Variants in KLHL20 observed in about 807,000 individuals in gnomAD.
The protein encoded by KLHL20 is kelch like family member 20, also known as kelch-like protein 20.
KLHL20 carries 29 observed loss-of-function variants against 69.5 expected under a neutral mutation model. The observed-to-expected ratio is 0.42, with a 90% CI of 0.31 to 0.57. KLHL20 has a LOEUF of 0.57. KLHL20 is among the 20% of genes least tolerant of loss of function. The probability of loss-of-function intolerance (pLI) is 0.18; values close to 1 mark genes in which losing one functional copy is unlikely to be tolerated. For missense variants in KLHL20, 419 were observed against 776.0 expected, an observed-to-expected ratio of 0.54 and a Z score of 5.47; for synonymous variants, 253 against 265.2, an observed-to-expected ratio of 0.95 and a Z score of 0.45.
In KLHL20 at chr1:173,757,023, G is replaced by T; in HGVS notation, c.1015G>T (p.Asp339Tyr). ...GDAISSVERY[D>Y]PQTNEWRMVA... ...TGCCATTTCCAGTGTTGAACGATAT[G>T]ATCCACAGACCAATGAATGGAGAAT... The change falls in exon 7 of 12, where the codon GAT (aspartate) becomes TAT (tyrosine). Residue 339 changes from aspartate (D) to tyrosine (Y), a missense_variant. Coordinates refer to ENST00000209884, the MANE Select transcript of KLHL20 (RefSeq NM_014458.4). The T allele has an allele frequency of 1.9e-6, 3 of 1,614,184 alleles. No individual in the cohort carries two copies. The highest frequency in any genetic ancestry group is 2.5e-6 in the Non-Finnish European group (3 of 1,180,030).
chr1:173,751,192 C>T (rs1003529374), intron 3 of KLHL20, among the ~76,000 whole-genome samples: 1 of 152,174 alleles, frequency 6.6e-6, no homozygotes, highest in Admixed American at 6.5e-5. Flanking sequence ...GTTGCCGTTT[C>T]ATCTCCATTC....
chr1:173,746,092 C>T (rs1673046536), intron 3 of KLHL20, among the ~76,000 whole-genome samples: 1 of 152,126 alleles, frequency 6.6e-6, no homozygotes, highest in Admixed American at 6.5e-5. Context: ...TCTCCTTAAA[C>T]CCATTAATGT....
At chr1:173,751,208 G>A (rs1158872787) in intron 3 of KLHL20, among the ~76,000 whole-genome samples, 1 of 152,140 alleles carries the variant, frequency 6.6e-6, no homozygotes, top group African/African-American at 2.4e-5. Flanking sequence ...CATTCTGACA[G>A]TTGCCTAGCC....
At chr1:173,734,561 G>A (rs1672438483) in intron 3 of KLHL20, 1 of 383,770 alleles carries the variant, frequency 2.6e-6, no homozygotes, top group Non-Finnish European at 4.8e-6. Flanking sequence ...AGCCAAAATA[G>A]AGTAATTCAC....
intron 3 of KLHL20, among the ~76,000 whole-genome samples, chr1:173,743,056 A>G (rs1301400996): frequency 2.0e-5 from 3 of 151,546 alleles, no homozygotes; most frequent in African/African-American, 7.3e-5. Flanking sequence ...TCCAAATTTA[A>G]TCAGAAAAAA....
chr1:173,746,255 T>A (rs1673054121), intron 3 of KLHL20, among the ~76,000 whole-genome samples: 2 of 152,200 alleles, frequency 1.3e-5, no homozygotes, highest in Non-Finnish European at 2.9e-5. Context: ...CCTTGTACTG[T>A]CTTTGTCAAG....
rs567606030 is a variant in KLHL20, at chr1:173,752,213, C to T, written c.756+291C>T. Among the ~76,000 whole-genome samples, 9 of 147,900 alleles carry T rather than the reference C, an allele frequency of 6.1e-5. No individual in the cohort carries two copies. The South Asian group carries it at 2.0e-3, about 33-fold the overall frequency. On this transcript the variant is annotated intron_variant, in intron 4 of 11. Coordinates refer to ENST00000209884, the MANE Select transcript of KLHL20 (RefSeq NM_014458.4). Reference sequence around the variant, plus strand: ...ATCGTGCCACTGTATTCCAGCCTGGCGACAGAGCGAGACTCCATCTCAAAA... The same window carrying T: ...ATCGTGCCACTGTATTCCAGCCTGGTGACAGAGCGAGACTCCATCTCAAAA...
chr1:173,739,594 A>C (rs914732800), intron 3 of KLHL20, among the ~76,000 whole-genome samples: 12 of 149,980 alleles, frequency 8.0e-5, no homozygotes, highest in African/African-American at 2.9e-4. Flanking sequence ...GGATGTTCAT[A>C]GTAGCCTTGA....
intron 3 of KLHL20, among the ~76,000 whole-genome samples, chr1:173,735,774 C>T (rs1397713457): frequency 1.3e-5 from 2 of 151,922 alleles, no homozygotes; most frequent in African/African-American, 4.8e-5. Context: ...CCCCTGAATC[C>T]CCAAAGTCCA....
In KLHL20 at chr1:173,774,334, G is replaced by A. The variant is rs375733872; in HGVS notation, c.1325G>A (p.Arg442Gln). Residue 442 changes from arginine (R) to glutamine (Q), a missense_variant, in exon 9 of 12, where the codon CGG becomes CAG. Arg to Gln is a conservative substitution (Grantham distance 43). This residue lies in a region of KLHL20 where 56 missense variants were observed against 75.9 expected (regional missense o/e 0.74). Coordinates refer to ENST00000209884, the MANE Select transcript of KLHL20 (RefSeq NM_014458.4). ...GATCCGAAGGAGAACAAGTGGACTC[G>A]GGTAGCTTCTATGAGTACCAGAAGA... Reference protein sequence around the residue: ...RYDPKENKWTRVASMSTRRLG... With the variant: ...RYDPKENKWTQVASMSTRRLG... The A allele has an allele frequency of 2.5e-6, 4 of 1,614,086 alleles. No homozygotes were observed. The highest frequency in any genetic ancestry group is 1.1e-5 in the South Asian group (1 of 91,084).
In KLHL20 at chr1:173,747,362, T is replaced by C. The variant is rs545557369; in HGVS notation, c.598-4402T>C. Among the ~76,000 whole-genome samples, 126 of 152,172 alleles carry C rather than the reference T, an allele frequency of 8.3e-4. 3 individuals carry two copies. In the South Asian group the frequency reaches 0.013, roughly 16 times the overall value. On this transcript the variant is annotated intron_variant, in intron 3 of 11. Coordinates refer to ENST00000209884, the MANE Select transcript of KLHL20 (RefSeq NM_014458.4). ...CCTTATGCATAATCATAACTTTATG[T>C]CTTGATGATAAATTGTGACTTTGAG...
At chr1:173,774,220 G>C (rs1648299981) in intron 8 of KLHL20, 85 bp from the exon 9 acceptor site, 3 of 1,510,288 alleles carry the variant, frequency 2.0e-6, no homozygotes, top group Non-Finnish European at 2.8e-6. Flanking sequence ...CGTGTACTCA[G>C]TATATCGTTA....
chr1:173,740,513 T>C (rs1158819896), intron 3 of KLHL20, among the ~76,000 whole-genome samples: 1 of 152,128 alleles, frequency 6.6e-6, no homozygotes, highest in African/African-American at 2.4e-5. Context: ...TTCAGAATTT[T>C]GATGTAGGCA....
chr1:173,751,102 C>T (rs1245462472), intron 3 of KLHL20, among the ~76,000 whole-genome samples: 1 of 152,062 alleles, frequency 6.6e-6, no homozygotes, highest in Admixed American at 6.6e-5. Flanking sequence ...GCACCCTGTC[C>T]CTTTTACTCT....
In KLHL20 at chr1:173,716,042, G is replaced by T; in HGVS notation, c.-2G>T. 1 of 1,613,668 alleles carries T rather than the reference G, an allele frequency of 6.2e-7. No individual in the cohort carries two copies. Among genetic ancestry groups the T allele is most frequent in the Non-Finnish European group, 8.5e-7 (1 of 1,179,746 alleles). On this transcript the variant is annotated 5_prime_UTR_variant, in exon 2 of 12. Transcript: ENST00000209884. ...TGTGGTGAAGGGTACTTTTCATGGT[G>T]CATGGAAGGAAAGCCAATGCGCAGG...
intron 5 of KLHL20, 32 bp downstream of exon 5, chr1:173,753,339 A>C: frequency 6.8e-7 from 1 of 1,478,444 alleles, no homozygotes; most frequent in Non-Finnish European, 9.5e-7. Flanking sequence ...AAAAATCAAC[A>C]ACTAAGCATT....
At chr1:173,721,437 C>T (rs1019952186) in intron 2 of KLHL20, among the ~76,000 whole-genome samples, 1 of 152,170 alleles carries the variant, frequency 6.6e-6, no homozygotes, top group Non-Finnish European at 1.5e-5. Flanking sequence ...AAATTAAATA[C>T]TCTGAGTTCT....
intron 3 of KLHL20, among the ~76,000 whole-genome samples, chr1:173,736,012 T>A (rs1447712249): frequency 3.5e-5 from 5 of 142,572 alleles, no homozygotes; most frequent in Non-Finnish European, 6.0e-5. Flanking sequence ...CGGGGCTCAA[T>A]CTCAGCTCAC....
rs190791345 is a variant in KLHL20 at position 173,769,969 on chromosome 1, A to G, written c.1295+3680A>G. Among the ~76,000 whole-genome samples, 705 of 152,204 alleles carry G rather than the reference A, an allele frequency of 4.6e-3. 8 individuals are homozygous for G. The highest frequency in any genetic ancestry group is 3.5e-3 in the Non-Finnish European group (241 of 68,010). On this transcript the variant is annotated intron_variant, in intron 8 of 11. Transcript: ENST00000209884. ...TGTTTTTTAATACTACATAAAAAAA[A>G]GAAGGAGCTCCACAAAGTTAGAAAA...
Sources: allele counts gnomAD v4.1 joint callset (sites outside exome capture counted in the v4.1 genomes callset), GRCh38; gene constraint gnomAD v4.1.1; regional missense constraint gnomAD v4.1.1; transcripts MANE v1.5; gene names NCBI Gene and HGNC (gene_info 2026-07-23, HGNC 2026-07-21).